Variants in KIF13A observed in about 807,000 individuals in gnomAD.
KIF13A encodes the protein kinesin family member 13A, also known as kinesin-like protein KIF13A.
Under a neutral mutation model 212.2 loss-of-function variants are expected in KIF13A, and 79 were observed. The ratio of observed to expected loss-of-function variants is 0.37; its 90% CI spans 0.31 to 0.45. The LOEUF (loss-of-function observed/expected upper bound fraction) is 0.45, where lower values mean the gene tolerates loss of function less well. Ranked by LOEUF, KIF13A falls within the 20% of genes least tolerant of loss-of-function variation. The pLI is 1.00. For missense variants in KIF13A, 1,901 were observed against 2,209.0 expected (o/e 0.86, Z 2.79); for synonymous variants, 789 against 808.6 (o/e 0.98, Z 0.41).
Position 17,777,461 on chromosome 6 carries a change from G to A in KIF13A, c.4093-107C>T. The A allele has an allele frequency of 1.1e-6, 1 of 885,586 alleles. No homozygotes were observed. The highest frequency in any genetic ancestry group is 1.8e-6 in the Non-Finnish European group (1 of 552,692). The allele number at this position is 885,586 out of a possible 1,614,324, so 54.9% of individuals were successfully genotyped here. ...TGTAGTGATGCGATCTCTGCTCACT[G>A]CAACCTCTGCCTCCTGGGTTCAAGC... On this transcript the variant is annotated intron_variant, in intron 33 of 38. Transcript: ENST00000259711. This position sits in a 1 kb window ranked among gnomAD's most constrained non-coding sequence, Gnocchi z 4.4.
rs952804053 is a variant in KIF13A, at chr6:17,919,981, T to A, written c.147-21801A>T. Among the ~76,000 whole-genome samples, 2 of 152,102 alleles carry A rather than the reference T, an allele frequency of 1.3e-5. No homozygotes were observed. Among genetic ancestry groups the A allele is most frequent in the African/African-American group, 2.4e-5 (1 of 41,402 alleles). The stretch of plus-strand genomic sequence containing the variant: ...AGCAGCAGGTTGAGTTAGAAGAAAA[T>A]TTTTTGTTGGATTAGGATTTATTTT... On this transcript the variant is annotated intron_variant, in intron 2 of 38. Transcript: ENST00000259711. The surrounding 1 kb of genome is among the most constrained non-coding windows in gnomAD (Gnocchi z 4.1).
At position 17,816,122 on chromosome 6, in the gene KIF13A, T is replaced by A. The variant is rs531114107; in HGVS notation, c.2000+898A>T. Among the ~76,000 whole-genome samples the A allele has an allele frequency of 1.9e-3, 284 of 152,068 alleles. No individual in the cohort carries two copies. Among genetic ancestry groups the A allele is most frequent in the African/African-American group, 6.6e-3 (274 of 41,478 alleles). On this transcript the variant is annotated intron_variant, in intron 17 of 38. Coordinates refer to ENST00000259711, the MANE Select transcript of KIF13A (RefSeq NM_022113.6). The surrounding 1 kb of genome is among the most constrained non-coding windows in gnomAD (Gnocchi z 4.3). ...TTAGTAGAGACAGGGTTTCACCATG[T>A]TGGCCAGGCTGGTCTGGAACTCCTG...
In KIF13A at chr6:17,794,734, C is replaced by T. The variant is rs763532370; in HGVS notation, c.2943-30G>A. On this transcript the variant is annotated intron_variant, in intron 23 of 38. Transcript: ENST00000259711. This position sits in a 1 kb window ranked among gnomAD's most constrained non-coding sequence, Gnocchi z 4.1. ...AGAAACACATTCCAACAAGCAAGAG[C>T]GTCATCGTCCAGGGATACTGTTAGT... The T allele has an allele frequency of 7.5e-6, 12 of 1,597,100 alleles. No homozygotes were observed. The Admixed American group carries it at 1.6e-4, about 21-fold the overall frequency.
rs763402619 is a variant in KIF13A, at chr6:17,832,993, G to A, written c.1266+968C>T. Reference sequence around the variant, plus strand: ...TGCGCCACTGCACTCCAGCCTGGGCGACAGAGAGAGACTCTGTCTGCAAAA... The same window carrying A: ...TGCGCCACTGCACTCCAGCCTGGGCAACAGAGAGAGACTCTGTCTGCAAAA... On this transcript the variant is annotated intron_variant, in intron 12 of 38. Transcript: ENST00000259711. 8.6e-5 allele frequency among the ~76,000 whole-genome samples: 11 copies of A among 127,944 alleles called. No individual in the cohort carries two copies. In the East Asian group the frequency reaches 9.2e-4, roughly 11 times the overall value. 83.9% of individuals were successfully genotyped at this position (127,944 alleles called of 152,430 possible).
At chr6:17,881,437 T>C (rs1356023724) in intron 3 of KIF13A, 2 of 429,542 alleles carry the variant, frequency 4.7e-6, no homozygotes, top group Admixed American at 2.8e-5. Context: ...AAAGTCAATT[T>C]ACAGTTAAAA....
chr6:17,799,566 A>C lies in KIF13A; in HGVS notation c.2617-127T>G. On this transcript the variant is annotated intron_variant, in intron 21 of 38. Transcript: ENST00000259711. The surrounding 1 kb of genome is among the most constrained non-coding windows in gnomAD (Gnocchi z 4.4). Reference sequence around the variant, plus strand: ...TCCATTTGACATGTGAAAATATTATATCTGACACCGTGACACTAAGGGTTG... The same window carrying C: ...TCCATTTGACATGTGAAAATATTATCTCTGACACCGTGACACTAAGGGTTG... 1 of 733,584 alleles carries C rather than the reference A, an allele frequency of 1.4e-6. No homozygotes were observed. The allele number at this position is 733,584 out of a possible 1,614,324, so 45.4% of individuals were successfully genotyped here.
In KIF13A at chr6:17,987,344, C is replaced by G; in HGVS notation, c.55+65G>C. The stretch of plus-strand genomic sequence containing the variant: ...CCGCGCTCTCGCCGTCCCGGCCCCG[C>G]AGTTTCTAAAGTTGCCCCCGCCCTC... On this transcript the variant is annotated intron_variant, in intron 1 of 38. Coordinates refer to ENST00000259711, the MANE Select transcript of KIF13A (RefSeq NM_022113.6). This position sits in a 1 kb window ranked among gnomAD's most constrained non-coding sequence, Gnocchi z 7.7. The G allele has an allele frequency of 8.5e-7, 1 of 1,171,626 alleles. No homozygotes were observed. The highest frequency in any genetic ancestry group is 1.1e-6 in the Non-Finnish European group (1 of 895,304). 72.6% of individuals were successfully genotyped at this position (1,171,626 alleles called of 1,614,324 possible).
chr6:17,861,223 A>G (rs1018041591), intron 4 of KIF13A, among the ~76,000 whole-genome samples: 12 of 152,192 alleles, frequency 7.9e-5, no homozygotes, highest in African/African-American at 2.9e-4. Flanking sequence ...TTCTCCATGT[A>G]TTTTTACAAA....
chr6:17,779,263 T>A lies in KIF13A; in HGVS notation c.3940-164A>T, dbSNP rs1389099744. Among the ~76,000 whole-genome samples the A allele has an allele frequency of 9.8e-3, 65 of 6,628 alleles. 1 individual carries two copies. The East Asian group carries it at 0.11, about 11-fold the overall frequency. 4.3% of individuals were successfully genotyped at this position (6,628 alleles called of 152,430 possible). On this transcript the variant is annotated intron_variant, in intron 32 of 38. Transcript: ENST00000259711. ...TATATATATATATATATATATTTTT[T>A]TTTTTTTTTTTTTTTTTTTTTTTTT...
At chr6:17,806,320 T>G (rs1762945677) in intron 18 of KIF13A, among the ~76,000 whole-genome samples, 2 of 152,272 alleles carry the variant, frequency 1.3e-5, no homozygotes, top group South Asian at 4.1e-4. Context: ...TTGTTTGACA[T>G]CATGTCTGTT....
chr6:17,867,945 C>G (rs1581581360), intron 4 of KIF13A, among the ~76,000 whole-genome samples: 2 of 152,246 alleles, frequency 1.3e-5, no homozygotes, highest in African/African-American at 2.4e-5. Flanking sequence ...AACATGGCTG[C>G]TCTTCCCACT....
intron 6 of KIF13A, among the ~76,000 whole-genome samples, chr6:17,853,132 TC>T (rs1310064163): frequency 1.3e-5 from 2 of 152,310 alleles, no homozygotes; most frequent in East Asian, 3.9e-4. Flanking sequence ...CATCCCAAAG[TC>T]CTGGCATTGT....
intron 20 of KIF13A, among the ~76,000 whole-genome samples, chr6:17,803,258 C>T (rs1762633277): frequency 1.3e-5 from 2 of 151,854 alleles, no homozygotes; most frequent in South Asian, 4.2e-4. Flanking sequence ...TTTTAAATTT[C>T]TTTTTTAGAC....
At chr6:17,778,644 C>G (rs1760207076) in intron 33 of KIF13A, among the ~76,000 whole-genome samples, 1 of 152,156 alleles carries the variant, frequency 6.6e-6, no homozygotes, top group Admixed American at 6.6e-5. Context: ...CTATCAGCCT[C>G]AATTTTCTCA....
chr6:17,855,654 G>A lies in KIF13A; in HGVS notation c.314-37C>T. 2 of 1,524,376 alleles carry A rather than the reference G, an allele frequency of 1.3e-6. No individual in the cohort carries two copies. Among genetic ancestry groups the A allele is most frequent in the Non-Finnish European group, 1.8e-6 (2 of 1,125,038 alleles). The allele number at this position is 1,524,376 out of a possible 1,614,324, so 94.4% of individuals were successfully genotyped here. A position where few individuals can be genotyped will look rare whatever the true frequency, so the allele number is the denominator to read the frequency against. On this transcript the variant is annotated intron_variant, in intron 5 of 38. Coordinates refer to ENST00000259711, the MANE Select transcript of KIF13A (RefSeq NM_022113.6). This position sits in a 1 kb window ranked among gnomAD's most constrained non-coding sequence, Gnocchi z 4.1. ...CAAGGAAAAAGAAGAACAGGTAGAGGAGGGAGCAAAATGCAATGCTTCAAC... is the reference window on the plus strand; with the variant it reads ...CAAGGAAAAAGAAGAACAGGTAGAGAAGGGAGCAAAATGCAATGCTTCAAC...
At chr6:17,985,972 A>G (rs2150654729) in intron 2 of KIF13A, among the ~76,000 whole-genome samples, 1 of 152,266 alleles carries the variant, frequency 6.6e-6, no homozygotes, top group African/African-American at 2.4e-5. Context: ...TCGCCTCATG[A>G]TTTCTTTCCC....
downstream of KIF13A, among the ~76,000 whole-genome samples, chr6:17,761,367 C>T (rs1400592065): frequency 6.6e-6 from 1 of 151,800 alleles, no homozygotes; most frequent in Non-Finnish European, 1.5e-5. Context: ...GGGCGTGAGC[C>T]ACTATGCCTG....
Position 17,900,973 on chromosome 6 carries a change from G to C in KIF13A, c.147-2793C>G, listed in dbSNP as rs1773008668. On this transcript the variant is annotated intron_variant, in intron 2 of 38. Transcript: ENST00000259711. This position sits in a 1 kb window ranked among gnomAD's most constrained non-coding sequence, Gnocchi z 4.6. ...GGTGCCTGTAGTCCCAGCTACTTGG[G>C]AGGCTGAGGCAGGAGAATGGCGTGA... Among the ~76,000 whole-genome samples the C allele has an allele frequency of 6.6e-6, 1 of 151,822 alleles. No homozygotes were observed. The highest frequency in any genetic ancestry group is 1.5e-5 in the Non-Finnish European group (1 of 67,970).
rs1164851676 is a variant in KIF13A, at chr6:17,914,078, A to G, written c.147-15898T>C. Among the ~76,000 whole-genome samples the G allele has an allele frequency of 6.6e-6, 1 of 152,228 alleles. No homozygotes were observed. Among genetic ancestry groups the G allele is most frequent in the Non-Finnish European group, 1.5e-5 (1 of 68,046 alleles). ...AAAGTATCAGTCCCTGATGGAATTC[A>G]AAAGGAAAAAGAAATGGTCCTTTAT... On this transcript the variant is annotated intron_variant, in intron 2 of 38. Transcript: ENST00000259711. This position sits in a 1 kb window ranked among gnomAD's most constrained non-coding sequence, Gnocchi z 5.9.
Sources: gnomAD v4.1 joint callset for allele counts (sites outside exome capture counted in the v4.1 genomes callset) on GRCh38, gnomAD v4.1.1 for gene constraint, Gnocchi (gnomAD v3.1) non-coding constraint, MANE v1.5 for transcripts, NCBI Gene and HGNC (gene_info 2026-07-23, HGNC 2026-07-21) for gene names.